The following CNOT3 variants were observed in gnomAD, a reference collection of about 807,000 sequenced individuals.
The protein encoded by CNOT3 is CCR4-NOT transcription complex subunit 3.
In CNOT3, 2 loss-of-function variants were observed where a neutral mutation model predicts 89.4. That is an observed-to-expected ratio of 0.02 (90% confidence interval 0.01 to 0.07). The LOEUF is 0.07. Ranked by LOEUF, CNOT3 falls within the 10% of genes least tolerant of loss-of-function variation. CNOT3 has a pLI of 1.00. For synonymous variants in CNOT3, 486 were observed against 402.0 expected, an observed-to-expected ratio of 1.21 and a Z score of -2.50; for missense variants, 664 against 1,010.2, an observed-to-expected ratio of 0.66 and a Z score of 4.65.
intron 1 of CNOT3, chr19:54,141,527 C>T (rs1204541782): frequency 6.6e-6 from 1 of 152,192 alleles, no homozygotes; most frequent in East Asian, 1.9e-4. Context: ...AAATTCAGTT[C>T]CTCCATTACA....
At chr19:54,152,716 C>A (rs2075189577) in intron 15 of CNOT3, 90 bp downstream of exon 15, 4 of 1,176,696 alleles carry the variant, frequency 3.4e-6, no homozygotes, top group East Asian at 4.7e-5. Context: ...GGTAGAGCAC[C>A]AGGCCCCTGA....
At chr19:54,142,333 G>C (rs1216233180) in intron 1 of CNOT3, 2 of 155,256 alleles carry the variant, frequency 1.3e-5, no homozygotes, top group Non-Finnish European at 1.4e-5. Flanking sequence ...TTGGCATTCA[G>C]CCCTGTCTGC....
rs767916535 is a variant in CNOT3, at chr19:54,149,548, C to T, written c.1407-12C>T. ...CCTCCTCTCAACCCCCTCTTCCATG[C>T]TCTCTCTCCAGGAAGGAACCCAGTG... is the stretch of plus-strand genomic sequence containing the variant. On this transcript the variant is annotated splice_polypyrimidine_tract_variant and intron_variant, in intron 12 of 17. Coordinates refer to ENST00000221232, the MANE Select transcript of CNOT3 (RefSeq NM_014516.4). The T allele has an allele frequency of 5.2e-6, 8 of 1,541,262 alleles. No individual in the cohort carries two copies. Among genetic ancestry groups the T allele is most frequent in the East Asian group, 2.3e-5 (1 of 43,994 alleles).
chr19:54,144,226 C>T lies in CNOT3; in HGVS notation c.388-11C>T, dbSNP rs1285140412. The T allele has an allele frequency of 2.5e-6, 4 of 1,611,680 alleles. No individual in the cohort carries two copies. The highest frequency in any genetic ancestry group is 3.4e-6 in the Non-Finnish European group (4 of 1,179,556). ...TAGCTGATGGGCTTCCTCTTCCTCT[C>T]CCTCCCCTAGAATACCATCGACACG... On this transcript the variant is annotated splice_polypyrimidine_tract_variant and intron_variant, in intron 6 of 17. Transcript: ENST00000221232. This position sits in a 1 kb window ranked among gnomAD's most constrained non-coding sequence, Gnocchi z 4.8.
chr19:54,152,356 G>A (rs368339289), intron 14 of CNOT3, 31 bp downstream of exon 14: 10 of 1,613,982 alleles, frequency 6.2e-6, no homozygotes, highest in Middle Eastern at 3.3e-4. Flanking sequence ...GGGAAGCAGC[G>A]GGCCAAAGAG....
intron 1 of CNOT3, among the ~76,000 whole-genome samples, chr19:54,140,390 G>A (rs1338561886): frequency 1.3e-5 from 2 of 151,900 alleles, no homozygotes; most frequent in African/African-American, 4.8e-5. Context: ...GGTTCTTCAC[G>A]CCTGAGAGTG....
At chr19:54,141,079 G>C (rs2074431180) in intron 1 of CNOT3, among the ~76,000 whole-genome samples, 2 of 152,278 alleles carry the variant, frequency 1.3e-5, no homozygotes, top group Admixed American at 1.3e-4. Flanking sequence ...TTCTGTGTTG[G>C]GGTGTTGGAC....
chr19:54,149,762 G>T lies in CNOT3; in HGVS notation c.1605+4G>T, dbSNP rs1170232391. ...CAGCACCGCCCCAGAAATCAAGGTG[G>T]GCTCCTCGGACATCCCCCGAGCCTC... On this transcript the variant is annotated splice_donor_region_variant and intron_variant, in intron 13 of 17. Transcript: ENST00000221232. 31 of 1,599,260 alleles carry T rather than the reference G, an allele frequency of 1.9e-5. No homozygotes were observed. The Admixed American group carries it at 3.6e-4, about 18-fold the overall frequency.
In CNOT3 at chr19:54,155,456, C is replaced by G; in HGVS notation, c.*49C>G. ...CCCCTTCCCCCGCATGCTGATCCCC[C>G]TGCCCAGGTGAGGGCCCTGCCCTGG... On this transcript the variant is annotated 3_prime_UTR_variant, in exon 18 of 18. Transcript: ENST00000221232. 7.8e-7 allele frequency: 1 copy of G among 1,277,278 alleles called. No homozygotes were observed. Among genetic ancestry groups the G allele is most frequent in the South Asian group, 1.3e-5 (1 of 76,394 alleles). The allele number at this position is 1,277,278 out of a possible 1,614,324, so 79.1% of individuals were successfully genotyped here. A position where few individuals can be genotyped will look rare whatever the true frequency, so the allele number is the denominator to read the frequency against.
chr19:54,153,311 G>A lies in CNOT3; in HGVS notation c.2037+312G>A, dbSNP rs368244584. 1.1e-4 allele frequency: 86 copies of A among 761,756 alleles called. 1 individual carries two copies. The highest frequency in any genetic ancestry group is 1.0e-3 in the East Asian group (43 of 40,976). 47.2% of individuals were successfully genotyped at this position (761,756 alleles called of 1,614,324 possible). A position where few individuals can be genotyped will look rare whatever the true frequency, so the allele number is the denominator to read the frequency against. On this transcript the variant is annotated intron_variant, in intron 16 of 17. Transcript: ENST00000221232. ...GCCCTGCTCCAGCAGCCCCAGTCTA[G>A]GCCGACCCCACTCTGCTCATTGGCA...
intron 17 of CNOT3, chr19:54,154,528 G>A (rs111430973): frequency 6.2e-6 from 1 of 161,988 alleles, no homozygotes; most frequent in Non-Finnish European, 1.4e-5. Context: ...CAGTGTCATG[G>A]ATTTTTTTTT....
intron 1 of CNOT3, 171 bp from the exon 2 acceptor site, chr19:54,142,758 G>T: frequency 3.2e-6 from 2 of 617,678 alleles, no homozygotes; most frequent in Admixed American, 5.1e-5. Context: ...CAGACACTAT[G>T]CTGGGCAGTC....
intron 9 of CNOT3, 136 bp downstream of exon 9, chr19:54,146,179 T>C: frequency 1.1e-6 from 1 of 928,600 alleles, no homozygotes; most frequent in Non-Finnish European, 1.6e-6. Context: ...GTCTAGGCTC[T>C]TGGAGCACAC....
At chr19:54,140,268 C>T (rs1201815816) in intron 1 of CNOT3, among the ~76,000 whole-genome samples, 1 of 152,150 alleles carries the variant, frequency 6.6e-6, no homozygotes, top group Non-Finnish European at 1.5e-5. Flanking sequence ...CGCCACCCGC[C>T]TTGTGGGTCC....
chr19:54,147,323 C>T (rs2074734082), intron 10 of CNOT3, among the ~76,000 whole-genome samples: 1 of 152,194 alleles, frequency 6.6e-6, no homozygotes, highest in South Asian at 2.1e-4. Flanking sequence ...TCCAAGGGGA[C>T]ACCCTGAGTG....
Position 54,146,007 on chromosome 19 carries a change from C to T in CNOT3, c.801C>T (p.Ser267=). ...SSSTPTSTTS[S]SPIPPSPANC... is the part of the protein sequence containing the mutation. ...GCACGCCCACCTCAACCACCTCCAGCTCTCCCATCCCGCCCAGCCCAGCCA... is the reference window on the plus strand; with the variant it reads ...GCACGCCCACCTCAACCACCTCCAGTTCTCCCATCCCGCCCAGCCCAGCCA... The change falls in exon 9 of 18, where the codon AGC becomes AGT. Residue 267 remains serine, a synonymous_variant. Coordinates refer to ENST00000221232, the MANE Select transcript of CNOT3 (RefSeq NM_014516.4). The T allele has an allele frequency of 6.2e-7, 1 of 1,613,262 alleles. No homozygotes were observed. The highest frequency in any genetic ancestry group is 1.3e-5 in the African/African-American group (1 of 75,048).
In CNOT3 at chr19:54,148,457, GGCAGCGGAGGCGGAGGGA is replaced by G; in HGVS notation, c.1210_1227del (p.Gly404_Ser409del). The G allele has an allele frequency of 6.4e-7, 1 of 1,563,798 alleles. No individual in the cohort carries two copies. On this transcript the variant is annotated inframe_deletion, in exon 11 of 18. Transcript: ENST00000221232. The surrounding 1 kb of genome is among the most constrained non-coding windows in gnomAD (Gnocchi z 6.3). Reference sequence around the variant, plus strand: ...CCAGCCTAGCGGAGGCGGAGGCGGCGGCAGCGGAGGCGGAGGGAGCAGCAGCAGTAGTAACAGCAGTGC... The same window carrying G: ...CCAGCCTAGCGGAGGCGGAGGCGGCGGCAGCAGCAGTAGTAACAGCAGTGC...
At chr19:54,149,805 GT>G (rs757064768) in intron 13 of CNOT3, 47 bp downstream of exon 13, 1 of 1,524,964 alleles carries the variant, frequency 6.6e-7, no homozygotes, top group East Asian at 2.5e-5. Context: ...TGACTCTGTT[GT>G]TTCTTTCCTC....
At chr19:54,143,606 G>A in intron 4 of CNOT3, 54 bp from the exon 5 acceptor site, 1 of 1,606,258 alleles carries the variant, frequency 6.2e-7, no homozygotes, top group Non-Finnish European at 8.5e-7. Context: ...AAGGAGCTGT[G>A]GGCCCCAGTT....
Sources: allele counts gnomAD v4.1 joint callset (sites outside exome capture counted in the v4.1 genomes callset), GRCh38; gene constraint gnomAD v4.1.1; non-coding constraint Gnocchi (gnomAD v3.1); transcripts MANE v1.5; gene names NCBI Gene and HGNC (gene_info 2026-07-23, HGNC 2026-07-21).